Variants in DCDC1 observed in about 807,000 individuals in gnomAD.
DCDC1 encodes doublecortin domain-containing protein 1.
Under a neutral mutation model 178.3 loss-of-function variants are expected in DCDC1, and 200 were observed. The observed-to-expected ratio is 1.12, with a 90% CI of 1.00 to 1.26. DCDC1 has a LOEUF of 1.26. DCDC1 is among the 50% of genes most tolerant of loss of function. The probability of loss-of-function intolerance (pLI) is 0.00; values close to 1 mark genes in which losing one functional copy is unlikely to be tolerated. For missense variants in DCDC1, 1,983 were observed against 1,749.2 expected (o/e 1.13, Z -2.38); for synonymous variants, 690 against 604.8 (o/e 1.14, Z -2.07).
intron 20 of DCDC1, among the ~76,000 whole-genome samples, chr11:31,010,415 T>C (rs571197954): frequency 6.6e-6 from 1 of 152,372 alleles, no homozygotes; most frequent in South Asian, 2.1e-4. Flanking sequence ...GCCCGCTATA[T>C]GACCTCTCCG....
chr11:31,220,617 T>A (rs1974156710), intron 9 of DCDC1, among the ~76,000 whole-genome samples: 1 of 152,222 alleles, frequency 6.6e-6, no homozygotes, highest in African/African-American at 2.4e-5. Flanking sequence ...TGTATTAAAA[T>A]TTTATGTAAG....
rs1266062006 is a variant in DCDC1, at chr11:30,864,282, C to T, written c.*1091G>A. 1 of 152,194 alleles carries T rather than the reference C, an allele frequency of 6.6e-6. No homozygotes were observed. The highest frequency in any genetic ancestry group is 1.5e-5 in the Non-Finnish European group (1 of 68,044). The allele number at this position is 152,194 out of a possible 1,614,324, so 9.4% of individuals were successfully genotyped here. A position where few individuals can be genotyped will look rare whatever the true frequency, so the allele number is the denominator to read the frequency against. On this transcript the variant is annotated 3_prime_UTR_variant, in exon 39 of 39. Coordinates refer to ENST00000684477, the MANE Select transcript of DCDC1 (RefSeq NM_001387274.1). ...TTCATCTATAAGTAATTTCACATAA[C>T]TTTTGGATGTTTCTTCAAACTTGGG...
chr11:31,231,691 T>C (rs1975791690), intron 9 of DCDC1, among the ~76,000 whole-genome samples: 3 of 144,732 alleles, frequency 2.1e-5, no homozygotes, highest in Admixed American at 1.4e-4. Flanking sequence ...CACAGATGAC[T>C]TCTTGGAGGG....
At chr11:30,954,820 C>T (rs1163022003) in intron 20 of DCDC1, among the ~76,000 whole-genome samples, 1 of 152,170 alleles carries the variant, frequency 6.6e-6, no homozygotes, top group Non-Finnish European at 1.5e-5. Context: ...ATCCATAGTA[C>T]TTGGCCTTGT....
At chr11:30,925,251 C>T in intron 23 of DCDC1, 58 bp downstream of exon 23, 1 of 1,432,106 alleles carries the variant, frequency 7.0e-7, no homozygotes, top group Non-Finnish European at 9.8e-7. Flanking sequence ...TAAGGGGATT[C>T]TTTCTTGGAT....
intron 20 of DCDC1, among the ~76,000 whole-genome samples, chr11:30,989,791 T>C (rs555600945): frequency 4.6e-5 from 7 of 152,302 alleles, no homozygotes; most frequent in Non-Finnish European, 8.8e-5. Flanking sequence ...TTTTAAAAGA[T>C]GAATGCTGTG....
chr11:30,996,371 A>G (rs544954833), intron 20 of DCDC1, among the ~76,000 whole-genome samples: 2 of 152,300 alleles, frequency 1.3e-5, no homozygotes, highest in Admixed American at 1.3e-4. Flanking sequence ...CATCAGAAAC[A>G]GCTTGGTACA....
chr11:31,253,073 T>C (rs963358208), intron 8 of DCDC1, among the ~76,000 whole-genome samples: 2 of 152,182 alleles, frequency 1.3e-5, no homozygotes, highest in Non-Finnish European at 2.9e-5. Flanking sequence ...TTTAAAGTTC[T>C]ATAGAATGTA....
chr11:31,083,269 G>A lies in DCDC1; in HGVS notation c.2238-5344C>T, dbSNP rs974392499. On this transcript the variant is annotated intron_variant, in intron 17 of 38. Coordinates refer to ENST00000684477, the MANE Select transcript of DCDC1 (RefSeq NM_001387274.1). ...TGAAATTGGACAGGGTTCCATGTAA[G>A]TCTGAAACTTCTTTTATGGATCATC... 5.3e-5 allele frequency among the ~76,000 whole-genome samples: 8 copies of A among 152,314 alleles called. No homozygotes were observed. The East Asian group carries it at 1.5e-3, about 29-fold the overall frequency.
At chr11:30,910,668 A>G (rs1309863958) in intron 28 of DCDC1, among the ~76,000 whole-genome samples, 1 of 152,158 alleles carries the variant, frequency 6.6e-6, no homozygotes, top group Non-Finnish European at 1.5e-5. Context: ...GGAAAAACAC[A>G]TATTCGTTTA....
chr11:31,180,469 C>T (rs538728812), intron 9 of DCDC1, among the ~76,000 whole-genome samples: 6 of 152,212 alleles, frequency 3.9e-5, no homozygotes, highest in South Asian at 2.1e-4. Flanking sequence ...ATGCAGAAAG[C>T]GGGTGATTTC....
intron 18 of DCDC1, 108 bp downstream of exon 18, chr11:31,077,757 T>C: frequency 3.2e-6 from 2 of 618,224 alleles, no homozygotes; most frequent in Middle Eastern, 2.8e-4. Context: ...AGTGAAGTCA[T>C]ATATGCAGAA....
rs900772168 is a variant in DCDC1 at position 31,240,681 on chromosome 11, C to T, written c.1221+769G>A. Among the ~76,000 whole-genome samples the T allele has an allele frequency of 5.9e-5, 9 of 152,118 alleles. 1 individual carries two copies. The highest frequency in any genetic ancestry group is 6.6e-5 in the Admixed American group (1 of 15,226). On this transcript the variant is annotated intron_variant, in intron 9 of 38. Coordinates refer to ENST00000684477, the MANE Select transcript of DCDC1 (RefSeq NM_001387274.1). ...CCAGTTCAAAATATAAAACCTAGTCCTCATTTAGCTTGGTAAAAACATGTG... is the reference window on the plus strand; with the variant it reads ...CCAGTTCAAAATATAAAACCTAGTCTTCATTTAGCTTGGTAAAAACATGTG...
At chr11:31,087,095 A>G (rs1957527226) in intron 17 of DCDC1, among the ~76,000 whole-genome samples, 1 of 151,976 alleles carries the variant, frequency 6.6e-6, no homozygotes, top group Non-Finnish European at 1.5e-5. Flanking sequence ...TTTTTTCTTG[A>G]GTAGGCATTG....
At chr11:30,935,841 T>C (rs1947245650) in intron 21 of DCDC1, among the ~76,000 whole-genome samples, 1 of 152,198 alleles carries the variant, frequency 6.6e-6, no homozygotes, top group South Asian at 2.1e-4. Context: ...CATAAGCCAC[T>C]GTGCCTGGCC....
At chr11:31,181,805 C>T (rs1179988323) in intron 9 of DCDC1, among the ~76,000 whole-genome samples, 3 of 151,778 alleles carry the variant, frequency 2.0e-5, no homozygotes, top group Admixed American at 1.3e-4. Context: ...CCAGAATGAG[C>T]ATGTTCTAAC....
At chr11:31,046,119 C>T (rs558091247) in intron 20 of DCDC1, among the ~76,000 whole-genome samples, 22 of 152,262 alleles carry the variant, frequency 1.4e-4, no homozygotes, top group African/African-American at 5.3e-4. Flanking sequence ...TTCATATCCA[C>T]GTTGCTTGCC....
intron 9 of DCDC1, among the ~76,000 whole-genome samples, chr11:31,220,674 T>C (rs956912885): frequency 1.3e-5 from 2 of 152,352 alleles, no homozygotes; most frequent in Admixed American, 1.3e-4. Flanking sequence ...TTACAATTGA[T>C]GTTAAAAACC....
chr11:31,133,692 G>A (rs1234379988), intron 10 of DCDC1, among the ~76,000 whole-genome samples: 2 of 151,932 alleles, frequency 1.3e-5, no homozygotes, highest in Non-Finnish European at 2.9e-5. Context: ...AATTTTTGTG[G>A]GTTTTTTTTT....
Sources: gnomAD v4.1 joint callset for allele counts (sites outside exome capture counted in the v4.1 genomes callset) on GRCh38, gnomAD v4.1.1 for gene constraint, MANE v1.5 for transcripts, NCBI Gene and HGNC (gene_info 2026-07-23, HGNC 2026-07-21) for gene names.